DSCAM: variants seen among roughly 807,000 people sequenced by gnomAD.
DSCAM encodes cell adhesion molecule DSCAM.
In DSCAM, 47 loss-of-function variants were observed where a neutral mutation model predicts 217.7. The observed-to-expected ratio is 0.22, with a 90% CI of 0.17 to 0.28. The LOEUF (loss-of-function observed/expected upper bound fraction) is 0.28. Ranked by LOEUF, DSCAM falls within the 10% of genes least tolerant of loss-of-function variation. The pLI is 1.00. For synonymous variants in DSCAM, 1,056 were observed against 1,015.3 expected (o/e 1.04, Z -0.76); for missense variants, 2,080 against 2,618.3 (o/e 0.79, Z 4.49).
intron 3 of DSCAM, among the ~76,000 whole-genome samples, chr21:40,371,203 C>A (rs1471721747): frequency 1.3e-5 from 2 of 152,134 alleles, no homozygotes; most frequent in Non-Finnish European, 2.9e-5. Context: ...TCTCCTAATG[C>A]TGTATATTCC....
intron 20 of DSCAM, among the ~76,000 whole-genome samples, 200 bp downstream of exon 20, chr21:40,123,995 C>T (rs144314030): frequency 6.6e-6 from 1 of 152,248 alleles, no homozygotes; most frequent in East Asian, 1.9e-4. Context: ...AATTGTCCCC[C>T]TTGTCATGAT....
At chr21:40,431,547 A>G (rs866163164) in intron 3 of DSCAM, among the ~76,000 whole-genome samples, 1 of 152,170 alleles carries the variant, frequency 6.6e-6, no homozygotes, top group African/African-American at 2.4e-5. Flanking sequence ...GATGAAGACG[A>G]AGACCTTTAT....
At chr21:40,525,139 A>G (rs2146096846) in intron 3 of DSCAM, among the ~76,000 whole-genome samples, 1 of 152,320 alleles carries the variant, frequency 6.6e-6, no homozygotes, top group South Asian at 2.1e-4. Context: ...ATAACTTTAT[A>G]AATAAATCTG....
chr21:40,659,790 T>C (rs1405936062), intron 3 of DSCAM, among the ~76,000 whole-genome samples: 3 of 152,246 alleles, frequency 2.0e-5, no homozygotes, highest in Non-Finnish European at 4.4e-5. Flanking sequence ...AGCATGGCTG[T>C]GTGCCAGGGG....
rs758379371 is a variant in DSCAM at position 40,052,080 on chromosome 21, T to C, written c.5063A>G (p.Asp1688Gly). 11 of 1,614,168 alleles carry C rather than the reference T, an allele frequency of 6.8e-6. No homozygotes were observed. The highest frequency in any genetic ancestry group is 9.3e-6 in the Non-Finnish European group (11 of 1,180,028). ...IDDRSTVLLT[D>G]ADFGEAAKQK... Reference sequence around the variant, plus strand: ...CTTAGCTGCCTCTCCAAAGTCAGCATCCGTCAACAGAACCGTGGAGCGATC... The same window carrying C: ...CTTAGCTGCCTCTCCAAAGTCAGCACCCGTCAACAGAACCGTGGAGCGATC... Residue 1688 changes from aspartate (D) to glycine (G), a missense_variant, in exon 30 of 33, where the codon GAT (aspartate) becomes GGT (glycine). This residue lies in a region of DSCAM where 1,144 missense variants were observed against 1,421.1 expected (regional missense o/e 0.81). Transcript: ENST00000400454.
intron 3 of DSCAM, among the ~76,000 whole-genome samples, chr21:40,604,126 T>C (rs1055246254): frequency 6.6e-6 from 1 of 152,100 alleles, no homozygotes; most frequent in African/African-American, 2.4e-5. Context: ...ATTTTTCCAT[T>C]CATTTTTTTT....
At chr21:40,088,122 C>G (rs940345904) in intron 21 of DSCAM, among the ~76,000 whole-genome samples, 5 of 152,186 alleles carry the variant, frequency 3.3e-5, no homozygotes, top group African/African-American at 1.2e-4. Context: ...GAGCCCGGGG[C>G]TTCTCCTGTC....
At chr21:40,059,236 T>C (rs2089076175) in intron 28 of DSCAM, among the ~76,000 whole-genome samples, 1 of 152,244 alleles carries the variant, frequency 6.6e-6, no homozygotes, top group Non-Finnish European at 1.5e-5. Flanking sequence ...AACCTTTTTC[T>C]GCTTACACCC....
intron 3 of DSCAM, among the ~76,000 whole-genome samples, chr21:40,566,943 C>T (rs969438613): frequency 3.9e-5 from 6 of 152,012 alleles, no homozygotes; most frequent in African/African-American, 1.4e-4. Flanking sequence ...TGACCCAAGT[C>T]CGTAAGCACA....
chr21:40,496,962 A>G (rs900446417), intron 3 of DSCAM, among the ~76,000 whole-genome samples: 1 of 152,202 alleles, frequency 6.6e-6, no homozygotes, highest in Non-Finnish European at 1.5e-5. Context: ...CACTTATCAG[A>G]TGGCTGTTAT....
intron 3 of DSCAM, among the ~76,000 whole-genome samples, chr21:40,613,460 G>T (rs2089343593): frequency 1.3e-5 from 2 of 152,032 alleles, no homozygotes; most frequent in African/African-American, 4.8e-5. Context: ...TTAAAAAAAA[G>T]ATTTTTTAAA....
chr21:40,561,788 AG>A (rs1413439495), intron 3 of DSCAM, among the ~76,000 whole-genome samples: 1 of 100,062 alleles, frequency 1.0e-5, no homozygotes, highest in African/African-American at 3.4e-5. Flanking sequence ...GGAGATGCAG[AG>A]GCCAACACTG....
intron 2 of DSCAM, among the ~76,000 whole-genome samples, chr21:40,698,605 C>G (rs928964870): frequency 2.0e-5 from 3 of 152,144 alleles, no homozygotes; most frequent in African/African-American, 7.2e-5. Flanking sequence ...TGCAGTGGCT[C>G]ACATCTGTAA....
At chr21:40,239,447 G>T (rs536904679) in intron 11 of DSCAM, among the ~76,000 whole-genome samples, 13 of 151,948 alleles carry the variant, frequency 8.6e-5, no homozygotes, top group African/African-American at 3.1e-4. Context: ...TGTGCAAGAA[G>T]AAATCAAAAA....
chr21:40,737,844 T>C (rs2091080369), intron 1 of DSCAM, among the ~76,000 whole-genome samples: 1 of 152,170 alleles, frequency 6.6e-6, no homozygotes, highest in African/African-American at 2.4e-5. Flanking sequence ...GGGCTCCCAG[T>C]CTTCCAGCCC....
chr21:40,483,078 G>A (rs1423391672), intron 3 of DSCAM, among the ~76,000 whole-genome samples: 2 of 152,202 alleles, frequency 1.3e-5, no homozygotes, highest in Admixed American at 1.3e-4. Context: ...AATTAGTTGT[G>A]ACTAATATTT....
chr21:40,495,269 A>T (rs1298858248), intron 3 of DSCAM, among the ~76,000 whole-genome samples: 3 of 152,098 alleles, frequency 2.0e-5, no homozygotes, highest in Non-Finnish European at 4.4e-5. Flanking sequence ...AGACAAGAAC[A>T]CTCTAAGAAA....
Position 40,055,729 on chromosome 21 carries a change from G to T in DSCAM, c.5031C>A (p.Thr1677=). ...GTGGCAAATAGGGCAGCTTACCAAT[G>T]GTCTCCATCGTGTCTCTCTCTTCAA... is the stretch of plus-strand genomic sequence containing the variant. ...LLIEERDTME[T]IDDRSTVLLT... The change falls in exon 29 of 33, where the codon ACC becomes ACA. Residue 1677 remains threonine, a synonymous_variant. Coordinates refer to ENST00000400454, the MANE Select transcript of DSCAM (RefSeq NM_001389.5). 1 of 1,610,680 alleles carries T rather than the reference G, an allele frequency of 6.2e-7. No homozygotes were observed. Among genetic ancestry groups the T allele is most frequent in the Non-Finnish European group, 8.5e-7 (1 of 1,177,086 alleles).
chr21:40,142,841 A>G (rs1348813579), intron 17 of DSCAM, 137 bp from the exon 18 acceptor site: 12 of 981,492 alleles, frequency 1.2e-5, no homozygotes, highest in Non-Finnish European at 1.8e-5. Flanking sequence ...AGAAAAAATA[A>G]CAAAGATCAC....
Sources: gnomAD v4.1 joint callset for allele counts (sites outside exome capture counted in the v4.1 genomes callset) on GRCh38, gnomAD v4.1.1 for gene constraint, gnomAD v4.1.1 regional missense constraint, MANE v1.5 for transcripts, NCBI Gene and HGNC (gene_info 2026-07-23, HGNC 2026-07-21) for gene names.